LACTBL1: variants seen among roughly 807,000 people sequenced by gnomAD.
The protein encoded by LACTBL1 is beta-lactamase-like protein 1.
LACTBL1 carries 29 observed loss-of-function variants against 39.6 expected under a neutral mutation model. That is an observed-to-expected ratio of 0.73 (90% CI 0.55 to 1.00). The LOEUF (loss-of-function observed/expected upper bound fraction) is 1.00. Among genes scored for constraint, LACTBL1 ranks in the 50% least tolerant of loss-of-function variants. The pLI is 0.00. For synonymous variants in LACTBL1, 361 were observed against 360.7 expected, an observed-to-expected ratio of 1.00 and a Z score of -0.01; for missense variants, 711 against 748.5, an observed-to-expected ratio of 0.95 and a Z score of 0.59.
upstream of LACTBL1, among the ~76,000 whole-genome samples, chr1:22,968,848 G>A (rs1470085127): frequency 6.6e-6 from 1 of 152,184 alleles, no homozygotes; most frequent in African/African-American, 2.4e-5. Context: ...AACATTGTCT[G>A]ACACATTGTA....
At chr1:22,958,397 G>A (rs947708732) in intron 4 of LACTBL1, among the ~76,000 whole-genome samples, 4 of 152,184 alleles carry the variant, frequency 2.6e-5, no homozygotes, top group Middle Eastern at 3.2e-3. Context: ...ATATTGACTC[G>A]TTGACTTGCT....
intron 4 of LACTBL1, among the ~76,000 whole-genome samples, chr1:22,956,998 C>CAT (rs1425006221): frequency 6.6e-5 from 10 of 152,044 alleles, no homozygotes; most frequent in African/African-American, 2.2e-4. Context: ...ATATTTGATG[C>CAT]ATATATAAGC....
Position 22,963,236 on chromosome 1 carries a change from G to T in LACTBL1, c.50-20C>A. On this transcript the variant is annotated intron_variant, in intron 1 of 5. Transcript: ENST00000426928. ...GGGAACCTGGAGGGAACATCACATG[G>T]TGAGGAGGGGACAGAGATCAGGATA... 7.9e-7 allele frequency: 1 copy of T among 1,270,214 alleles called. No homozygotes were observed. Among genetic ancestry groups the T allele is most frequent in the Non-Finnish European group, 1.0e-6 (1 of 970,344 alleles). 78.7% of individuals were successfully genotyped at this position (1,270,214 alleles called of 1,614,324 possible).
chr1:22,966,428 C>G (rs762847024), upstream of LACTBL1, among the ~76,000 whole-genome samples: 34 of 152,186 alleles, frequency 2.2e-4, no homozygotes, highest in Non-Finnish European at 3.7e-4. Context: ...TGGTATTTCT[C>G]CCCCTTCCCT....
At chr1:22,963,022 C>A in intron 2 of LACTBL1, 85 bp downstream of exon 4, 1 of 581,654 alleles carries the variant, frequency 1.7e-6, no homozygotes, top group East Asian at 3.5e-5. Context: ...TGAATGAATG[C>A]CACTGCCAGC....
chr1:22,959,823 A>G, intron 3 of LACTBL1, 119 bp downstream of exon 5: 2 of 1,217,474 alleles, frequency 1.6e-6, no homozygotes, highest in Non-Finnish European at 2.3e-6. Flanking sequence ...AAGACTTCAT[A>G]ATAGGCCCTG....
intron 2 of LACTBL1, among the ~76,000 whole-genome samples, chr1:22,961,953 G>A (rs1640827088): frequency 6.6e-6 from 1 of 151,680 alleles, no homozygotes; most frequent in Non-Finnish European, 1.5e-5. Context: ...TCACCATGTT[G>A]GTCAGGCTGC....
At chr1:22,970,955 G>A in the LACTBL1 span, among the ~76,000 whole-genome samples, 7 of 152,118 alleles carry the variant, frequency 4.6e-5, no homozygotes, top group Non-Finnish European at 8.8e-5. Context: ...CAGATACAAA[G>A]GAGTGAATGG....
At chr1:22,966,890 A>T (rs1246639438), upstream of LACTBL1, among the ~76,000 whole-genome samples, 1 of 152,158 alleles carries the variant, frequency 6.6e-6, no homozygotes, top group Non-Finnish European at 1.5e-5. Context: ...ACCTCCAGCC[A>T]GTCATCAAGC....
upstream of LACTBL1, among the ~76,000 whole-genome samples, chr1:22,968,469 A>C (rs1640906531): frequency 6.6e-6 from 1 of 152,138 alleles, no homozygotes; most frequent in African/African-American, 2.4e-5. Flanking sequence ...GGTGACTAAT[A>C]ATGTTGAATA....
intron 1 of LACTBL1, among the ~76,000 whole-genome samples, chr1:22,964,953 T>C (rs1225085256): frequency 6.6e-6 from 1 of 152,164 alleles, no homozygotes; most frequent in African/African-American, 2.4e-5. Context: ...GGCTGGAGCC[T>C]GGAGATTCCA....
chr1:22,953,192 C>T (rs1249183243), exon 6 of LACTBL1: 2 of 1,232,028 alleles, frequency 1.6e-6, no homozygotes, highest in Non-Finnish European at 2.0e-6. Context: ...GAGAGCCACG[C>T]GTCGCCGAGT....
At chr1:22,954,816 C>CAGCG (rs2124222785) in intron 5 of LACTBL1, among the ~76,000 whole-genome samples, 2 of 152,312 alleles carry the variant, frequency 1.3e-5, no homozygotes, top group South Asian at 4.1e-4. Flanking sequence ...GGTCACTGAC[C>CAGCG]AGCGGCTCAG....
chr1:22,967,480 G>A (rs57330649), upstream of LACTBL1, among the ~76,000 whole-genome samples: 5,520 of 152,046 alleles, frequency 0.036, 342 homozygotes, highest in African/African-American at 0.13. Context: ...GGAGGTCGTC[G>A]AGGCTGCAGT....
chr1:22,962,296 G>A lies in LACTBL1; in HGVS notation c.159+811C>T, dbSNP rs147913712. ...TTTTTGTCTCTGCATTGGCCCACAC[G>A]TTCCCTTCTCAGCACTCAACAGCCC... On this transcript the variant is annotated intron_variant, in intron 2 of 5. Transcript: ENST00000426928. Among the ~76,000 whole-genome samples the A allele has an allele frequency of 7.9e-4, 120 of 152,190 alleles. 1 individual carries two copies. Among genetic ancestry groups the A allele is most frequent in the African/African-American group, 2.2e-3 (90 of 41,516 alleles).
exon 6 of LACTBL1, chr1:22,953,351 C>T (rs755685778): frequency 8.1e-7 from 1 of 1,228,898 alleles, no homozygotes; most frequent in Non-Finnish European, 1.0e-6. Flanking sequence ...GCCGGCCCGG[C>T]GCGCACCTCG....
chr1:22,958,500 A>G (rs1470449907), intron 4 of LACTBL1, among the ~76,000 whole-genome samples, 185 bp downstream of exon 6: 4 of 152,246 alleles, frequency 2.6e-5, no homozygotes, highest in Non-Finnish European at 5.9e-5. Flanking sequence ...TCCAGGCTTC[A>G]GTTCAGCTTT....
intron 4 of LACTBL1, among the ~76,000 whole-genome samples, chr1:22,956,803 G>A (rs979204623): frequency 2.0e-5 from 3 of 152,000 alleles, no homozygotes; most frequent in African/African-American, 7.3e-5. Context: ...ATCTTGACTT[G>A]TTATCATAGC....
the LACTBL1 span, chr1:22,972,572 G>A: frequency 3.1e-6 from 1 of 323,564 alleles, no homozygotes; most frequent in Non-Finnish European, 4.4e-6. Flanking sequence ...CCCCTGCCAG[G>A]TGACCCGGCA....
Sources: gnomAD v4.1 joint callset for allele counts (sites outside exome capture counted in the v4.1 genomes callset) on GRCh38, gnomAD v4.1.1 for gene constraint, MANE v1.5 for transcripts, NCBI Gene and HGNC (gene_info 2026-07-23, HGNC 2026-07-21) for gene names.